The following DCHS2 variants were observed in gnomAD, a reference collection of about 807,000 sequenced individuals.
The protein encoded by DCHS2 is protocadherin-23.
A neutral mutation model predicts 182.4 loss-of-function variants in DCHS2; 142 were observed. That is an observed-to-expected ratio of 0.78 (90% confidence interval 0.68 to 0.89). The LOEUF (loss-of-function observed/expected upper bound fraction) is 0.89. Ranked by LOEUF, DCHS2 falls within the 40% of genes least tolerant of loss-of-function variation. The pLI is 0.00. For synonymous variants in DCHS2, 1,740 were observed against 1,663.3 expected (o/e 1.05, Z -1.12); for missense variants, 4,319 against 4,198.6 (o/e 1.03, Z -0.79).
intron 13 of DCHS2, among the ~76,000 whole-genome samples, chr4:154,283,948 C>A (rs1241299215): frequency 6.6e-6 from 1 of 152,136 alleles, no homozygotes; most frequent in African/African-American, 2.4e-5. Context: ...CCAGAGCCTG[C>A]ATGTGTTCAG....
At chr4:154,251,069 C>A (rs754869609) in intron 16 of DCHS2, among the ~76,000 whole-genome samples, 6 of 152,128 alleles carry the variant, frequency 3.9e-5, no homozygotes, top group Non-Finnish European at 8.8e-5. Flanking sequence ...GGATTCCAAT[C>A]CCAGCTTTGC....
intron 3 of DCHS2, among the ~76,000 whole-genome samples, chr4:154,360,445 G>A (rs1730067838): frequency 6.6e-6 from 1 of 152,036 alleles, no homozygotes; most frequent in East Asian, 1.9e-4. Context: ...TGTTTCCTAT[G>A]AAAGTAACGT....
Position 154,346,576 on chromosome 4 carries a change from T to G in DCHS2, c.2477-11472A>C, listed in dbSNP as rs1430776032. Reference sequence around the variant, plus strand: ...TGAATTATACATGAATTCTACCTAATTGCCCATTTAATAAAGAAAGTCACC... The same window carrying G: ...TGAATTATACATGAATTCTACCTAAGTGCCCATTTAATAAAGAAAGTCACC... On this transcript the variant is annotated intron_variant, in intron 3 of 19. Transcript: ENST00000357232. Among the ~76,000 whole-genome samples the G allele has an allele frequency of 2.7e-5, 4 of 150,126 alleles. No individual in the cohort carries two copies. The East Asian group carries it at 7.7e-4, about 29-fold the overall frequency.
At chr4:154,476,730 T>C (rs1445474529) in intron 1 of DCHS2, among the ~76,000 whole-genome samples, 4 of 152,238 alleles carry the variant, frequency 2.6e-5, no homozygotes, top group African/African-American at 9.6e-5. Flanking sequence ...GGGAAGCAGA[T>C]ACTAAGTGGT....
intron 1 of DCHS2, among the ~76,000 whole-genome samples, chr4:154,402,644 G>A (rs909211468): frequency 1.3e-5 from 2 of 152,182 alleles, no homozygotes; most frequent in Non-Finnish European, 2.9e-5. Flanking sequence ...ATCTTACATG[G>A]CAGCAGGGAC....
At chr4:154,252,447 T>C (rs1302469501) in intron 16 of DCHS2, among the ~76,000 whole-genome samples, 1 of 152,240 alleles carries the variant, frequency 6.6e-6, no homozygotes, top group East Asian at 1.9e-4. Flanking sequence ...CAACTATATT[T>C]TGTAATCTTT....
In DCHS2 at chr4:154,298,141, A is replaced by G. The variant is rs764220051; in HGVS notation, c.6173T>C (p.Val2058Ala). ...SPESPTNQTT[V>A]IVRADDLDLG... Reference sequence around the variant, plus strand: ...GTCCAGGTCATCAGCTCTCACAATGACAGTTGTCTGGTTTGTAGGCGACTC... The same window carrying G: ...GTCCAGGTCATCAGCTCTCACAATGGCAGTTGTCTGGTTTGTAGGCGACTC... Residue 2058 changes from valine (V) to alanine (A), a missense_variant, in exon 13 of 20, where the codon GTC (valine) becomes GCC (alanine). Coordinates refer to ENST00000357232, the MANE Select transcript of DCHS2 (RefSeq NM_001358235.2). The G allele has an allele frequency of 6.2e-7, 1 of 1,614,092 alleles. No individual in the cohort carries two copies. The highest frequency in any genetic ancestry group is 8.5e-7 in the Non-Finnish European group (1 of 1,180,006).
At chr4:154,360,385 T>C (rs2110752973) in intron 3 of DCHS2, among the ~76,000 whole-genome samples, 1 of 152,210 alleles carries the variant, frequency 6.6e-6, no homozygotes, top group East Asian at 1.9e-4. Flanking sequence ...TCTTTATAAG[T>C]CTGTGATCTG....
intron 1 of DCHS2, among the ~76,000 whole-genome samples, chr4:154,431,765 C>G (rs2110936243): frequency 6.6e-6 from 1 of 152,268 alleles, no homozygotes; most frequent in Admixed American, 6.5e-5. Context: ...TCTAAGTTCC[C>G]AGACTCCATG....
chr4:154,368,648 C>G (rs1171165886), intron 2 of DCHS2, among the ~76,000 whole-genome samples: 1 of 152,110 alleles, frequency 6.6e-6, no homozygotes, highest in East Asian at 1.9e-4. Context: ...TCCCGAATAG[C>G]TGGGATTACA....
chr4:154,328,358 A>G (rs923119742), intron 6 of DCHS2, among the ~76,000 whole-genome samples, 166 bp from the exon 7 acceptor site: 4 of 152,210 alleles, frequency 2.6e-5, no homozygotes, highest in Non-Finnish European at 4.4e-5. Context: ...GTGTATGTCC[A>G]TGAAAAGAAT....
chr4:154,388,494 A>T (rs1441651934), intron 1 of DCHS2, among the ~76,000 whole-genome samples: 4 of 130,678 alleles, frequency 3.1e-5, no homozygotes, highest in Admixed American at 7.9e-5. Context: ...AATAGATGTA[A>T]TTTTTTTTTT....
At chr4:154,323,650 C>T (rs542792869) in intron 7 of DCHS2, among the ~76,000 whole-genome samples, 1 of 152,250 alleles carries the variant, frequency 6.6e-6, no homozygotes, top group East Asian at 1.9e-4. Context: ...CATGATGCTA[C>T]AACAAGAAAA....
chr4:154,373,793 A>G (rs1056352583), intron 2 of DCHS2: 1 of 743,364 alleles, frequency 1.3e-6, no homozygotes, highest in Middle Eastern at 2.5e-4. Context: ...AAGAAGGAGA[A>G]AATCACAGCC....
chr4:154,251,742 C>T (rs747687751), intron 16 of DCHS2, among the ~76,000 whole-genome samples: 11 of 152,220 alleles, frequency 7.2e-5, no homozygotes, highest in Middle Eastern at 6.8e-3. Context: ...TGGTCTCAAA[C>T]GCCTGACCTC....
intron 14 of DCHS2, among the ~76,000 whole-genome samples, chr4:154,262,640 A>G (rs574894558): frequency 1.3e-5 from 2 of 152,346 alleles, no homozygotes; most frequent in South Asian, 4.1e-4. Flanking sequence ...ATTAAGATTC[A>G]TCAAATGCTA....
rs528032825 is a variant in DCHS2 at position 154,373,319 on chromosome 4, G to A, written c.2244+3934C>T. ...ATTGCAAAGAATAATTATGATAGAT[G>A]CAGAAGTCACCCTGTAAAAACTCAG... On this transcript the variant is annotated intron_variant, in intron 2 of 19. Transcript: ENST00000357232. Among the ~76,000 whole-genome samples, 5 of 152,232 alleles carry A rather than the reference G, an allele frequency of 3.3e-5. No homozygotes were observed. The South Asian group carries it at 1.0e-3, about 32-fold the overall frequency.
intron 1 of DCHS2, among the ~76,000 whole-genome samples, chr4:154,411,474 G>C (rs974884414): frequency 5.3e-5 from 8 of 152,116 alleles, no homozygotes; most frequent in Non-Finnish European, 1.2e-4. Flanking sequence ...GCGCGTGCCT[G>C]TAGTCCCAGC....
Position 154,243,867 on chromosome 4 carries a change from C to T in DCHS2, c.6942-1095G>A, listed in dbSNP as rs141898967. Among the ~76,000 whole-genome samples, 534 of 152,256 alleles carry T rather than the reference C, an allele frequency of 3.5e-3. 10 individuals carry two copies. Among genetic ancestry groups the T allele is most frequent in the Admixed American group, 0.031 (474 of 15,272 alleles). On this transcript the variant is annotated intron_variant, in intron 16 of 19. Transcript: ENST00000357232. ...CTTGTTCCATCCACCCTCTATATTG[C>T]GCTCAATTGCTCTAACTAAGATCCT...
Sources: gnomAD v4.1 joint callset for allele counts (sites outside exome capture counted in the v4.1 genomes callset) on GRCh38, gnomAD v4.1.1 for gene constraint, MANE v1.5 for transcripts, NCBI Gene and HGNC (gene_info 2026-07-23, HGNC 2026-07-21) for gene names.